Variants in ABCA7 observed in about 807,000 individuals in gnomAD.
The protein encoded by ABCA7 is ATP binding cassette subfamily A member 7.
A neutral mutation model predicts 227.6 loss-of-function variants in ABCA7; 261 were observed. The observed-to-expected ratio is 1.15, with a 90% CI of 1.04 to 1.27. The LOEUF (loss-of-function observed/expected upper bound fraction) is 1.27, where lower values mean the gene tolerates loss of function less well. Ranked by LOEUF, ABCA7 falls within the 50% of genes most tolerant of loss-of-function variation. ABCA7 has a pLI of 0.00. For missense variants in ABCA7, 3,331 were observed against 2,924.5 expected, an observed-to-expected ratio of 1.14 and a Z score of -3.21; for synonymous variants, 1,488 against 1,279.7, an observed-to-expected ratio of 1.16 and a Z score of -3.47.
chr19:1,057,697 G>C (rs1310398256), intron 35 of ABCA7, among the ~76,000 whole-genome samples: 1 of 151,458 alleles, frequency 6.6e-6, no homozygotes, highest in Non-Finnish European at 1.5e-5. Flanking sequence ...TTGTGGCCAG[G>C]AGTTTGAGAC....
Position 1,051,191 on chromosome 19 carries a change from G to C in ABCA7, c.2721G>C (p.Arg907=), listed in dbSNP as rs199779739. The stretch of plus-strand genomic sequence containing the variant: ...ACGAGCACGTCTGGTTCTATGGGCG[G>C]CTGAAGGGTCTGAGTGCCGCTGTAG... The part of the protein sequence containing the change: ...TVDEHVWFYG[R]LKGLSAAVVG... Residue 907 remains arginine, a synonymous_variant, in exon 20 of 47, where the codon CGG becomes CGC. Transcript: ENST00000263094. 3.7e-6 allele frequency: 6 copies of C among 1,611,158 alleles called. No homozygotes were observed. In the East Asian group the frequency reaches 1.3e-4, roughly 36 times the overall value.
intron 10 of ABCA7, among the ~76,000 whole-genome samples, 194 bp from the exon 11 acceptor site, chr19:1,044,383 G>A (rs936301199): frequency 1.3e-5 from 2 of 151,428 alleles, no homozygotes; most frequent in African/African-American, 4.9e-5. Context: ...AAGTAACTGG[G>A]ATTACAGGCA....
intron 40 of ABCA7, among the ~76,000 whole-genome samples, chr19:1,061,109 T>C (rs1346900737): frequency 6.6e-6 from 1 of 151,770 alleles, no homozygotes; most frequent in African/African-American, 2.4e-5. Context: ...AAATCAGAGG[T>C]GCTGAGGCCA....
rs1163207677 is a variant in ABCA7, at chr19:1,044,716, T to A, written c.1187T>A (p.Leu396Gln). 6.2e-7 allele frequency: 1 copy of A among 1,610,460 alleles called. No homozygotes were observed. The highest frequency in any genetic ancestry group is 8.5e-7 in the Non-Finnish European group (1 of 1,179,578). ...GACGCACACGCTGATGTGGGGCACC[T>A]GGTGGGCACGCTGGGCCGAGTGACG... The part of the protein sequence containing the change: ...WQDAHADVGH[L>Q]VGTLGRVTEC... The change falls in exon 11 of 47, where the codon CTG becomes CAG. Residue 396 changes from leucine (L) to glutamine (Q), a missense_variant. Transcript: ENST00000263094.
intron 42 of ABCA7, among the ~76,000 whole-genome samples, chr19:1,062,534 C>T (rs2042729075): frequency 1.3e-5 from 2 of 152,074 alleles, no homozygotes; most frequent in African/African-American, 4.8e-5. Context: ...TTCCACCATT[C>T]TCATTGGTCC....
chr19:1,052,156 C>T (rs756431209), intron 22 of ABCA7, 30 bp downstream of exon 22: 1 of 1,609,796 alleles, frequency 6.2e-7, no homozygotes, highest in East Asian at 2.2e-5. Flanking sequence ...TGACCCCTGA[C>T]CCCCGGGACT....
chr19:1,051,315 G>A, intron 20 of ABCA7, 21 bp downstream of exon 20: 2 of 1,585,354 alleles, frequency 1.3e-6, no homozygotes, highest in Non-Finnish European at 1.7e-6. Context: ...CCCCAAGGGA[G>A]GTCACCTCAC....
intron 13 of ABCA7, 55 bp downstream of exon 13, chr19:1,046,461 G>A: frequency 1.3e-6 from 2 of 1,509,948 alleles, no homozygotes; most frequent in Non-Finnish European, 1.8e-6. Flanking sequence ...TCCCGGGTGT[G>A]GGGGTGGGCC....
rs761465424 is a variant in ABCA7, at chr19:1,054,764, C to G, written c.3852-16C>G. 2 of 1,607,542 alleles carry G rather than the reference C, an allele frequency of 1.2e-6. No individual in the cohort carries two copies. Among genetic ancestry groups the G allele is most frequent in the Non-Finnish European group, 1.7e-6 (2 of 1,176,870 alleles). On this transcript the variant is annotated splice_polypyrimidine_tract_variant and intron_variant, in intron 28 of 46. Transcript: ENST00000263094. This position sits in a 1 kb window ranked among gnomAD's most constrained non-coding sequence, Gnocchi z 4.8. ...TGGGGGTACAGCCCTGACCCTACAT[C>G]TCCCCTCACACACAGTGAGGACGCC...
chr19:1,050,663 C>T (rs1428918591), intron 18 of ABCA7, among the ~76,000 whole-genome samples: 1 of 150,258 alleles, frequency 6.7e-6, no homozygotes, highest in Non-Finnish European at 1.5e-5. Context: ...GCCTGTAGTC[C>T]CAGCTACTCG....
In ABCA7 at chr19:1,050,931, A is replaced by G; in HGVS notation, c.2563A>G (p.Ser855Gly). The change falls in exon 19 of 47, where the codon AGT becomes GGT. Residue 855 changes from serine (S) to glycine (G), a missense_variant. Physicochemically the swap from Ser to Gly is moderately conservative, Grantham distance 56. Transcript: ENST00000263094. Reference sequence around the variant, plus strand: ...CCCCTCTATCCACAGGTCCATCTTGAGTGGCCTCTTCCCACCCAGTGGTGG... The same window carrying G: ...CCCCTCTATCCACAGGTCCATCTTGGGTGGCCTCTTCCCACCCAGTGGTGG... Reference protein sequence around the residue: ...AGKTTTLSILSGLFPPSGGSA... With the variant: ...AGKTTTLSILGGLFPPSGGSA... The G allele has an allele frequency of 6.2e-7, 1 of 1,606,922 alleles. No individual in the cohort carries two copies. Among genetic ancestry groups the G allele is most frequent in the East Asian group, 2.2e-5 (1 of 44,770 alleles).
Position 1,065,408 on chromosome 19 carries a change from G to A in ABCA7, c.6424G>A (p.Ala2142Thr). The change falls in exon 47 of 47, where the codon GCC (alanine) becomes ACC (threonine). Residue 2142 changes from alanine (A) to threonine (T), a missense_variant. Physicochemically the swap from Ala to Thr is moderately conservative, Grantham distance 58. Coordinates refer to ENST00000263094, the MANE Select transcript of ABCA7 (RefSeq NM_019112.4). ...VSQFLDDPST[A>T]ETVL ...CCAGTTCCTCGATGACCCTAGCACT[G>A]CCGAGACTGTGCTCTGAGCCTCCCT... 3 of 1,613,366 alleles carry A rather than the reference G, an allele frequency of 1.9e-6. No individual in the cohort carries two copies. The highest frequency in any genetic ancestry group is 2.5e-6 in the Non-Finnish European group (3 of 1,179,916).
In ABCA7 at chr19:1,044,262, T is replaced by TA. The variant is rs1280161959; in HGVS notation, c.1048-315_1048-314insA. Among the ~76,000 whole-genome samples, 192 of 134,982 alleles carry TA rather than the reference T, an allele frequency of 1.4e-3. 1 individual carries two copies. The highest frequency in any genetic ancestry group is 8.3e-3 in the East Asian group (35 of 4,198). 88.6% of individuals were successfully genotyped at this position (134,982 alleles called of 152,430 possible). A position where few individuals can be genotyped will look rare whatever the true frequency, so the allele number is the denominator to read the frequency against. The stretch of plus-strand genomic sequence containing the variant: ...GCTTTTTTTTTTTTTTTTTTTTTTT[T>TA]TAAGAGATGGAGTCTCACTCTGTTG... On this transcript the variant is annotated intron_variant, in intron 10 of 46. Transcript: ENST00000263094.
intron 12 of ABCA7, 158 bp downstream of exon 12, chr19:1,045,389 C>A: frequency 1.3e-6 from 1 of 743,160 alleles, no homozygotes; most frequent in Non-Finnish European, 2.1e-6. Flanking sequence ...CTCCTTAGAC[C>A]AATAGGGGCC....
intron 40 of ABCA7, among the ~76,000 whole-genome samples, chr19:1,060,121 T>G (rs1440449246): frequency 1.3e-5 from 2 of 152,152 alleles, no homozygotes; most frequent in African/African-American, 4.8e-5. Context: ...GTATTTGCTG[T>G]GTGCCACTTA....
At chr19:1,062,045 G>A in intron 41 of ABCA7, 127 bp from the exon 42 acceptor site, 7 of 1,487,130 alleles carry the variant, frequency 4.7e-6, no homozygotes, top group Non-Finnish European at 6.3e-6. Context: ...ACGCGGACCA[G>A]GCCCTGAGAC....
chr19:1,047,973 G>C (rs890494922), intron 16 of ABCA7, among the ~76,000 whole-genome samples: 8 of 152,234 alleles, frequency 5.3e-5, no homozygotes, highest in African/African-American at 1.9e-4. Flanking sequence ...AGAATCGCTT[G>C]AGCCCAGGAG....
At chr19:1,053,560 G>C (rs748500495) in intron 24 of ABCA7, 29 bp downstream of exon 24, 1 of 1,549,296 alleles carries the variant, frequency 6.5e-7, no homozygotes, top group Non-Finnish European at 8.7e-7. Flanking sequence ...GGTGAGGTGG[G>C]GCCAGGAGGA....
At position 1,043,083 on chromosome 19, in the gene ABCA7, C is replaced by T; in HGVS notation, c.622C>T (p.Gln208Ter). The T allele has an allele frequency of 6.2e-7, 1 of 1,611,876 alleles. No individual in the cohort carries two copies. The highest frequency in any genetic ancestry group is 8.5e-7 in the Non-Finnish European group (1 of 1,179,126). The change falls in exon 8 of 47, where the codon CAG (glutamine) becomes TAG (stop). Residue 208 changes from glutamine to a stop codon, truncating the protein, a stop_gained. Transcript: ENST00000263094. LOFTEE classifies it high-confidence loss of function. ...CCTGGTGGAGCTTCGGGCACTGCTG[C>T]AGAGACCCCGAGGGACCAGCGGCCC... ...RSLVELRALL[Q>*]RPRGTSGPLE...
Sources: allele counts gnomAD v4.1 joint callset (sites outside exome capture counted in the v4.1 genomes callset), GRCh38; gene constraint gnomAD v4.1.1; non-coding constraint Gnocchi (gnomAD v3.1); transcripts MANE v1.5; gene names NCBI Gene and HGNC (gene_info 2026-07-23, HGNC 2026-07-21).